The following SCD5 variants were observed in gnomAD, a reference collection of about 807,000 sequenced individuals.
The protein encoded by SCD5 is stearoyl-CoA desaturase 5, also known as acyl-CoA-desaturase 4.
A neutral mutation model predicts 30.4 loss-of-function variants in SCD5; 20 were observed. The observed-to-expected ratio is 0.66, with a 90% CI of 0.46 to 0.96. The LOEUF is 0.96. Among genes scored for constraint, SCD5 ranks in the 40% least tolerant of loss-of-function variants. SCD5 has a pLI of 0.00. For missense variants in SCD5, 381 were observed against 443.3 expected (o/e 0.86, Z 1.26); for synonymous variants, 173 against 176.4 (o/e 0.98, Z 0.16).
intron 1 of SCD5, among the ~76,000 whole-genome samples, chr4:82,749,662 T>C (rs1054586541): frequency 1.3e-5 from 2 of 152,202 alleles, no homozygotes; most frequent in African/African-American, 4.8e-5. Flanking sequence ...AGAAACCATA[T>C]CGTGAAACTA....
chr4:82,696,059 C>T (rs532559437), intron 2 of SCD5, among the ~76,000 whole-genome samples: 5 of 152,276 alleles, frequency 3.3e-5, no homozygotes, highest in African/African-American at 7.2e-5. Flanking sequence ...CACATAGTGG[C>T]TTATGCACTT....
chr4:82,798,388 G>T lies in SCD5; in HGVS notation c.150C>A (p.Val50=). The stretch of plus-strand genomic sequence containing the variant: ...CCAAGTGGAGCAAGCTCATCAGGAC[G>T]ACATTCCTCCAGACGATGTTCTGCC... ...GQRQNIVWRN[V]VLMSLLHLGA... The change falls in exon 1 of 5, where the codon GTC becomes GTA. Residue 50 remains valine, a synonymous_variant. Coordinates refer to ENST00000319540, the MANE Select transcript of SCD5 (RefSeq NM_001037582.3). 1.2e-6 allele frequency: 2 copies of T among 1,613,486 alleles called. No homozygotes were observed. The highest frequency in any genetic ancestry group is 1.1e-5 in the South Asian group (1 of 91,060).
intron 1 of SCD5, among the ~76,000 whole-genome samples, chr4:82,783,532 C>T (rs932711767): frequency 6.6e-6 from 1 of 152,068 alleles, no homozygotes; most frequent in African/African-American, 2.4e-5. Flanking sequence ...TGGCCAGGCG[C>T]GGTGGCTCAC....
At chr4:82,757,334 C>T (rs1721253250) in intron 1 of SCD5, among the ~76,000 whole-genome samples, 1 of 152,162 alleles carries the variant, frequency 6.6e-6, no homozygotes. Flanking sequence ...CAGGAGGGCT[C>T]TTCACCCTGG....
At chr4:82,640,110 C>G (rs1727512137) in intron 3 of SCD5, among the ~76,000 whole-genome samples, 2 of 152,150 alleles carry the variant, frequency 1.3e-5, no homozygotes, top group South Asian at 2.1e-4. Flanking sequence ...GCTCTCTGAC[C>G]CCAGTCCTGT....
intron 3 of SCD5, among the ~76,000 whole-genome samples, chr4:82,649,403 G>T (rs567021374): frequency 6.6e-6 from 1 of 152,208 alleles, no homozygotes; most frequent in Admixed American, 6.5e-5. Context: ...TATAATAAGG[G>T]AAATGAATTT....
At position 82,798,567 on chromosome 4, in the gene SCD5, G is replaced by A. The variant is rs746335707; in HGVS notation, c.-30C>T. ...GGGCGAGGTGGGCGCCCGCAGCAGC[G>A]GCAGGCAGGCAGGCGCTCTGCCCGA... On this transcript the variant is annotated 5_prime_UTR_variant, in exon 1 of 5. Coordinates refer to ENST00000319540, the MANE Select transcript of SCD5 (RefSeq NM_001037582.3). The A allele has an allele frequency of 3.3e-6, 5 of 1,526,088 alleles. No individual in the cohort carries two copies. The African/African-American group carries it at 4.1e-5, about 13-fold the overall frequency. 94.5% of individuals were successfully genotyped at this position (1,526,088 alleles called of 1,614,324 possible).
chr4:82,636,555 C>A (rs544365600), intron 4 of SCD5, 36 bp downstream of exon 4: 2 of 1,539,354 alleles, frequency 1.3e-6, no homozygotes, highest in South Asian at 2.3e-5. Context: ...ACCTGGGCCA[C>A]CATTCTCCCC....
intron 3 of SCD5, among the ~76,000 whole-genome samples, chr4:82,652,323 G>A (rs1727775462): frequency 6.6e-6 from 1 of 152,192 alleles, no homozygotes. Context: ...AATTAAGCAA[G>A]CACAGTTTCT....
At chr4:82,776,635 A>G (rs925629397) in intron 1 of SCD5, among the ~76,000 whole-genome samples, 17 of 152,170 alleles carry the variant, frequency 1.1e-4, no homozygotes, top group African/African-American at 4.1e-4. Flanking sequence ...TCCAACGAGC[A>G]TCTGTCTCTG....
chr4:82,750,656 T>C (rs1454948578), intron 1 of SCD5, among the ~76,000 whole-genome samples: 2 of 146,098 alleles, frequency 1.4e-5, no homozygotes, highest in East Asian at 2.0e-4. Flanking sequence ...AAAAAAAAAG[T>C]CATGAAACCA....
intron 1 of SCD5, among the ~76,000 whole-genome samples, chr4:82,751,500 C>G (rs920268228): frequency 7.2e-5 from 11 of 152,186 alleles, no homozygotes; most frequent in Admixed American, 3.3e-4. Context: ...CTGAGAAAAG[C>G]CAAATCCTAT....
At chr4:82,770,182 C>G (rs1044020997) in intron 1 of SCD5, among the ~76,000 whole-genome samples, 1 of 152,148 alleles carries the variant, frequency 6.6e-6, no homozygotes, top group African/African-American at 2.4e-5. Flanking sequence ...TATCCTGCCC[C>G]CCTCCCCACA....
rs763577278 is a variant in SCD5 at position 82,705,349 on chromosome 4, G to T, written c.297C>A (p.His99Gln). The T allele has an allele frequency of 6.2e-7, 1 of 1,614,240 alleles. No homozygotes were observed. The highest frequency in any genetic ancestry group is 8.5e-7 in the Non-Finnish European group (1 of 1,180,044). The part of the protein sequence containing the change: ...VTAGAHRLWS[H>Q]RSYRAKLPLR... ...GAGGCAGCTTGGCCCGGTAGGACCT[G>T]TGGCTCCACAAGCGATGGGCACCAG... Residue 99 changes from histidine (H) to glutamine (Q), a missense_variant, in exon 2 of 5, where the codon CAC becomes CAA. By Grantham distance (24) the His-to-Gln change is conservative (BLOSUM62 0). Coordinates refer to ENST00000319540, the MANE Select transcript of SCD5 (RefSeq NM_001037582.3).
intron 1 of SCD5, among the ~76,000 whole-genome samples, chr4:82,791,151 T>C (rs1053902137): frequency 6.6e-6 from 1 of 151,890 alleles, no homozygotes; most frequent in Non-Finnish European, 1.5e-5. Context: ...GGCAGGAGAA[T>C]CGCTTGAACC....
chr4:82,737,956 T>TAAAA (rs35386827), intron 1 of SCD5, among the ~76,000 whole-genome samples: 3 of 147,242 alleles, frequency 2.0e-5, no homozygotes, highest in Non-Finnish European at 4.5e-5. Context: ...TCTAATTAGC[T>TAAAA]AAAAAAAAAA....
intron 1 of SCD5, among the ~76,000 whole-genome samples, chr4:82,767,570 T>C (rs1050915127): frequency 1.2e-4 from 19 of 152,216 alleles, no homozygotes; most frequent in Non-Finnish European, 7.3e-5. Flanking sequence ...GTTTTTTAGT[T>C]GTTTCAGACA....
chr4:82,759,225 C>T (rs976855494), intron 1 of SCD5, among the ~76,000 whole-genome samples: 2 of 152,310 alleles, frequency 1.3e-5, no homozygotes, highest in Middle Eastern at 3.4e-3. Context: ...CCCTTGTTCC[C>T]GGCAGCCACA....
chr4:82,711,541 CTG>C (rs1560540460), intron 1 of SCD5, among the ~76,000 whole-genome samples: 1 of 152,166 alleles, frequency 6.6e-6, no homozygotes, highest in Non-Finnish European at 1.5e-5. Flanking sequence ...AGGCAAAACA[CTG>C]TATCTACAAA....
Sources: allele counts gnomAD v4.1 joint callset (sites outside exome capture counted in the v4.1 genomes callset), GRCh38; gene constraint gnomAD v4.1.1; transcripts MANE v1.5; gene names NCBI Gene and HGNC (gene_info 2026-07-23, HGNC 2026-07-21).